The following SLC8A3 variants were observed in gnomAD, a reference collection of about 807,000 sequenced individuals.
SLC8A3 encodes the protein sodium/calcium exchanger 3.
Under a neutral mutation model 65.4 loss-of-function variants are expected in SLC8A3, and 37 were observed. The observed-to-expected ratio is 0.57, with a 90% CI of 0.44 to 0.74. SLC8A3 has a LOEUF of 0.74. Among genes scored for constraint, SLC8A3 ranks in the 30% least tolerant of loss-of-function variants. The pLI, the probability that SLC8A3 is intolerant of heterozygous loss-of-function variation, is 0.00. For missense variants in SLC8A3, 1,112 were observed against 1,172.1 expected (o/e 0.95, Z 0.75); for synonymous variants, 461 against 444.5 (o/e 1.04, Z -0.47).
At chr14:70,106,837 C>T (rs952205048) in intron 2 of SLC8A3, among the ~76,000 whole-genome samples, 1 of 152,152 alleles carries the variant, frequency 6.6e-6, no homozygotes, top group South Asian at 2.1e-4. Context: ...TGCTATGTTA[C>T]TTGGCTTTGT....
intron 2 of SLC8A3, among the ~76,000 whole-genome samples, chr14:70,121,512 C>T (rs2140183301): frequency 6.6e-6 from 1 of 152,336 alleles, no homozygotes; most frequent in South Asian, 2.1e-4. Context: ...CCAGTTGCCT[C>T]CTTAAACCAC....
chr14:70,097,687 GTTTT>G, intron 2 of SLC8A3, among the ~76,000 whole-genome samples: 1 of 151,714 alleles, frequency 6.6e-6, no homozygotes, highest in South Asian at 2.1e-4. Flanking sequence ...GCTGCATGTG[GTTTT>G]TTTTTAATCT....
intron 2 of SLC8A3, among the ~76,000 whole-genome samples, chr14:70,098,922 T>C (rs1379754678): frequency 6.6e-6 from 1 of 152,206 alleles, no homozygotes; most frequent in African/African-American, 2.4e-5. Flanking sequence ...GGTTTTCTAC[T>C]CCTTTGAGGA....
chr14:70,179,549 G>T (rs114075631), intron 1 of SLC8A3, among the ~76,000 whole-genome samples: 1 of 152,130 alleles, frequency 6.6e-6, no homozygotes, highest in Non-Finnish European at 1.5e-5. Context: ...GGGTAGAGAG[G>T]TATATGGTTA....
intron 3 of SLC8A3, chr14:70,058,959 G>A (rs965541890): frequency 6.6e-6 from 1 of 152,236 alleles, no homozygotes; most frequent in Non-Finnish European, 1.5e-5. Flanking sequence ...TGGGAATGAG[G>A]TAGGGCAGGT....
Position 70,095,018 on chromosome 14 carries a change from C to T in SLC8A3, c.1785-34079G>A, listed in dbSNP as rs1341673309. ...GCTCAGGTGCATAACCTTGAACTAG[C>T]TGCTTACCCTCTGAGCCTCCATTTG... On this transcript the variant is annotated intron_variant, in intron 2 of 6. Transcript: ENST00000356921. 5.3e-5 allele frequency among the ~76,000 whole-genome samples: 8 copies of T among 152,312 alleles called. No individual in the cohort carries two copies. The East Asian group carries it at 1.5e-3, about 29-fold the overall frequency.
rs1365130070 is a variant in SLC8A3, at chr14:70,175,229, C to G, written c.-62-6745G>C. On this transcript the variant is annotated intron_variant, in intron 1 of 6. Transcript: ENST00000356921. ...AACAGCAATGATCATATATATTCAT[C>G]AGGCACCTACTCTATAGCCAGCACT... 2.0e-5 allele frequency among the ~76,000 whole-genome samples: 3 copies of G among 152,274 alleles called. No individual in the cohort carries two copies. The East Asian group carries it at 5.8e-4, about 29-fold the overall frequency.
At chr14:70,055,726 A>G (rs2139772245) in intron 3 of SLC8A3, 1 of 1,337,692 alleles carries the variant, frequency 7.5e-7, no homozygotes, top group South Asian at 1.4e-5. Flanking sequence ...ATCAAAGGAC[A>G]TTGGTCTTAA....
chr14:70,119,864 G>C (rs1257131713), intron 2 of SLC8A3, among the ~76,000 whole-genome samples: 1 of 152,204 alleles, frequency 6.6e-6, no homozygotes, highest in Admixed American at 6.5e-5. Context: ...ATGTGTTGGA[G>C]ACCAATAACG....
chr14:70,153,793 C>T lies in SLC8A3; in HGVS notation c.1784+12846G>A, dbSNP rs74062809. On this transcript the variant is annotated intron_variant, in intron 2 of 6. Coordinates refer to ENST00000356921, the MANE Select transcript of SLC8A3 (RefSeq NM_182932.3). ...TGGGGCTGCAGCTGAGCCCCTCCTG[C>T]TCTCATCTCATCACTGCCCCGTCTA... Among the ~76,000 whole-genome samples the T allele has an allele frequency of 8.9e-3, 1,352 of 152,352 alleles. 17 individuals are homozygous for T. Among genetic ancestry groups the T allele is most frequent in the African/African-American group, 0.03 (1,239 of 41,580 alleles).
chr14:70,117,034 T>A (rs2031855), intron 2 of SLC8A3, among the ~76,000 whole-genome samples: 141,733 of 152,184 alleles, frequency 0.93, 66,614 homozygotes, highest in Non-Finnish European at 1. Flanking sequence ...TTGATTTTTT[T>A]AAAAATTACC....
intron 1 of SLC8A3, among the ~76,000 whole-genome samples, 180 bp downstream of exon 1, chr14:70,188,199 C>T (rs1185864281): frequency 2.0e-5 from 3 of 152,224 alleles, no homozygotes; most frequent in Non-Finnish European, 2.9e-5. Context: ...CCTCACCCCA[C>T]TTCTCCTGGC....
At chr14:70,174,662 G>GTTTTTTTTT (rs10527244) in intron 1 of SLC8A3, among the ~76,000 whole-genome samples, 7 of 66,512 alleles carry the variant, frequency 1.1e-4, no homozygotes, top group African/African-American at 3.1e-4. Flanking sequence ...TTTTTTTTTT[G>GTTTTTTTTT]TTTTTTTTTT....
intron 2 of SLC8A3, among the ~76,000 whole-genome samples, chr14:70,116,179 G>A (rs1277980254): frequency 6.6e-6 from 1 of 152,138 alleles, no homozygotes; most frequent in East Asian, 1.9e-4. Context: ...GGTGGCTGGG[G>A]AAATAATAAA....
chr14:70,142,530 G>A (rs969087681), intron 2 of SLC8A3, among the ~76,000 whole-genome samples: 4 of 152,166 alleles, frequency 2.6e-5, no homozygotes, highest in Admixed American at 2.0e-4. Flanking sequence ...CTTGACCAAG[G>A]AGAAAAAATA....
intron 2 of SLC8A3, among the ~76,000 whole-genome samples, chr14:70,097,643 C>T (rs539197103): frequency 2.0e-4 from 30 of 152,146 alleles, no homozygotes; most frequent in African/African-American, 5.8e-4. Flanking sequence ...CACCATGTGG[C>T]ATAGTAAAAG....
At chr14:70,073,499 C>G (rs574916784) in intron 2 of SLC8A3, among the ~76,000 whole-genome samples, 1 of 152,236 alleles carries the variant, frequency 6.6e-6, no homozygotes, top group African/African-American at 2.4e-5. Context: ...TATATGCATG[C>G]CAGTAGTCTG....
At chr14:70,118,548 C>T (rs1234207583) in intron 2 of SLC8A3, among the ~76,000 whole-genome samples, 1 of 152,194 alleles carries the variant, frequency 6.6e-6, no homozygotes, top group Non-Finnish European at 1.5e-5. Flanking sequence ...CAATCTGATT[C>T]TAGGGGCATA....
At chr14:70,127,164 G>T (rs1268765895) in intron 2 of SLC8A3, among the ~76,000 whole-genome samples, 1 of 148,238 alleles carries the variant, frequency 6.7e-6, no homozygotes, top group Admixed American at 6.7e-5. Context: ...ACTATAAGGG[G>T]GCAGAAAGGA....
Sources: gnomAD v4.1 joint callset for allele counts (sites outside exome capture counted in the v4.1 genomes callset) on GRCh38, gnomAD v4.1.1 for gene constraint, MANE v1.5 for transcripts, NCBI Gene and HGNC (gene_info 2026-07-23, HGNC 2026-07-21) for gene names.